Variants in SLC6A13 observed in about 807,000 individuals in gnomAD.
SLC6A13 encodes sodium- and chloride-dependent GABA transporter 2.
A neutral mutation model predicts 72.9 loss-of-function variants in SLC6A13; 69 were observed. That is an observed-to-expected ratio of 0.95 (90% CI 0.78 to 1.16). The LOEUF is 1.16. Ranked by LOEUF, SLC6A13 falls within the 50% of genes most tolerant of loss-of-function variation. The pLI is 0.00. For missense variants in SLC6A13, 735 were observed against 760.5 expected (o/e 0.97, Z 0.39); for synonymous variants, 303 against 303.0 (o/e 1.00, Z 0.00).
At chr12:248,797 A>T (rs1190929917) in intron 2 of SLC6A13, among the ~76,000 whole-genome samples, 1 of 152,228 alleles carries the variant, frequency 6.6e-6, no homozygotes. Context: ...GTTGACATTT[A>T]TTGAACATTC....
chr12:223,729 T>C, intron 11 of SLC6A13: 1 of 448,710 alleles, frequency 2.2e-6, no homozygotes, highest in Non-Finnish European at 4.1e-6. Context: ...CTTCTCCCAA[T>C]CCAATGCTCC....
At chr12:241,665 T>G (rs1269302225) in intron 4 of SLC6A13, among the ~76,000 whole-genome samples, 2 of 152,266 alleles carry the variant, frequency 1.3e-5, no homozygotes, top group Non-Finnish European at 2.9e-5. Context: ...GTAGCTGGTA[T>G]TAAGAACTAC....
At chr12:230,880 CT>C (rs1941681473) in intron 7 of SLC6A13, among the ~76,000 whole-genome samples, 2 of 152,326 alleles carry the variant, frequency 1.3e-5, no homozygotes, top group South Asian at 4.1e-4. Context: ...CTGTTTACTG[CT>C]GCTATTATTT....
chr12:261,882 C>A (rs1021765742), intron 1 of SLC6A13, among the ~76,000 whole-genome samples: 1 of 151,266 alleles, frequency 6.6e-6, no homozygotes, highest in African/African-American at 2.4e-5. Context: ...GCCGAGATCG[C>A]GCCACTGCAC....
At position 232,430 on chromosome 12, in the gene SLC6A13, G is replaced by A. The variant is rs141188585; in HGVS notation, c.831+2660C>T. On this transcript the variant is annotated intron_variant, in intron 7 of 14. Transcript: ENST00000343164. ...CAGCTTCCCCCTACAACTCCTGCTC[G>A]CCACCTACCATCCATCACAACCCTG... Among the ~76,000 whole-genome samples the A allele has an allele frequency of 6.7e-3, 1,017 of 152,210 alleles. 6 individuals are homozygous for A. Among genetic ancestry groups the A allele is most frequent in the Middle Eastern group, 0.027 (8 of 294 alleles).
At chr12:257,760 T>TC (rs963805251) in intron 2 of SLC6A13, among the ~76,000 whole-genome samples, 21 of 151,830 alleles carry the variant, frequency 1.4e-4, no homozygotes, top group African/African-American at 4.8e-4. Flanking sequence ...GAGTCCCTCA[T>TC]CCCCCACGTT....
chr12:223,102 A>G (rs781686062), intron 12 of SLC6A13, 30 bp downstream of exon 12: 3 of 1,348,524 alleles, frequency 2.2e-6, no homozygotes, highest in Admixed American at 3.4e-5. Flanking sequence ...CAAGAGGAGG[A>G]TGCTGGGACC....
At position 242,582 on chromosome 12, in the gene SLC6A13, G is replaced by A. The variant is rs1263977652; in HGVS notation, c.478+32C>T. The A allele has an allele frequency of 1.9e-6, 3 of 1,600,496 alleles. No homozygotes were observed. In the Admixed American group the frequency reaches 5.0e-5, roughly 27 times the overall value. On this transcript the variant is annotated intron_variant, in intron 4 of 14. Coordinates refer to ENST00000343164, the MANE Select transcript of SLC6A13 (RefSeq NM_016615.5). ...TTCCGGTTAATGTGGCAGAACGAGA[G>A]GAGGAAGTGGACCCTTGGGTGAGGA...
At chr12:235,956 G>A (rs7977022) in intron 6 of SLC6A13, among the ~76,000 whole-genome samples, 1,735 of 152,272 alleles carry the variant, frequency 0.011, 48 homozygotes, top group African/African-American at 0.04. Context: ...GTTTACTAGG[G>A]TGGGGAAAAA....
At chr12:257,252 C>T (rs1186248743) in intron 2 of SLC6A13, 1 of 152,070 alleles carries the variant, frequency 6.6e-6, no homozygotes, top group Non-Finnish European at 1.5e-5. Flanking sequence ...CCACACACAT[C>T]CTTGATCAGC....
At chr12:236,462 G>C (rs1405680636) in intron 6 of SLC6A13, among the ~76,000 whole-genome samples, 2 of 152,172 alleles carry the variant, frequency 1.3e-5, no homozygotes, top group African/African-American at 4.8e-5. Context: ...GGGTTCCCCG[G>C]ATATAGTTCC....
chr12:259,942 G>A lies in SLC6A13; in HGVS notation c.111C>T (p.Asn37=), dbSNP rs368185304. ...DGTLERGHWN[N]KMEFVLSVAG... Reference sequence around the variant, plus strand: ...CCACTGACAGCACAAACTCCATCTTGTTGTTCCAGTGCCCCCGCTCCAGGG... The same window carrying A: ...CCACTGACAGCACAAACTCCATCTTATTGTTCCAGTGCCCCCGCTCCAGGG... Residue 37 remains asparagine, a synonymous_variant, in exon 2 of 15, where the codon AAC becomes AAT. Transcript: ENST00000343164. 2 of 1,614,064 alleles carry A rather than the reference G, an allele frequency of 1.2e-6. No individual in the cohort carries two copies. The highest frequency in any genetic ancestry group is 1.7e-6 in the Non-Finnish European group (2 of 1,180,018).
At chr12:227,690 A>C (rs1440345045) in intron 7 of SLC6A13, 22 bp from the exon 8 acceptor site, 1 of 1,573,502 alleles carries the variant, frequency 6.4e-7, no homozygotes, top group African/African-American at 1.3e-5. Flanking sequence ...AAGGGCAAGA[A>C]AGGTGAACTC....
Position 222,539 on chromosome 12 carries a change from A to G in SLC6A13, c.1508T>C (p.Val503Ala), listed in dbSNP as rs1259830588. 1 of 1,597,356 alleles carries G rather than the reference A, an allele frequency of 6.3e-7. No individual in the cohort carries two copies. The highest frequency in any genetic ancestry group is 2.2e-5 in the East Asian group (1 of 44,760). The change falls in exon 13 of 15, where the codon GTG becomes GCG. Residue 503 changes from valine to alanine, a missense_variant. Val to Ala is a moderately conservative substitution (Grantham distance 64, BLOSUM62 0). Transcript: ENST00000343164. ...KYCWLFLTPA[V>A]CTATFLFSLI... is the part of the protein sequence containing the mutation. ...TCCCTGAAATGATCTTACTGTGCAC[A>G]CAGCTGGTGTGAGGAAGAGCCAACA...
chr12:226,613 C>T (rs1941467296), intron 8 of SLC6A13, 99 bp from the exon 9 acceptor site: 1 of 1,452,016 alleles, frequency 6.9e-7, no homozygotes, highest in East Asian at 2.5e-5. Flanking sequence ...TCCTGGCGGA[C>T]ACTGTCCTGG....
At position 239,893 on chromosome 12, in the gene SLC6A13, T is replaced by C. The variant is rs114241427; in HGVS notation, c.479-1883A>G. 2.5e-3 allele frequency among the ~76,000 whole-genome samples: 381 copies of C among 152,290 alleles called. 2 individuals carry two copies. Among genetic ancestry groups the C allele is most frequent in the African/African-American group, 8.8e-3 (364 of 41,562 alleles). On this transcript the variant is annotated intron_variant, in intron 4 of 14. Coordinates refer to ENST00000343164, the MANE Select transcript of SLC6A13 (RefSeq NM_016615.5). Reference sequence around the variant, plus strand: ...CTCGTGCTATTCAAATGCTAGGCTCTGAGTAAAACCAGGCTCACTAAGAGA... The same window carrying C: ...CTCGTGCTATTCAAATGCTAGGCTCCGAGTAAAACCAGGCTCACTAAGAGA...
intron 3 of SLC6A13, 64 bp downstream of exon 3, chr12:243,615 C>A: frequency 1.3e-6 from 2 of 1,525,370 alleles, no homozygotes; most frequent in South Asian, 1.2e-5. Flanking sequence ...TCACTCAAGT[C>A]ATTCCAAACA....
intron 2 of SLC6A13, 169 bp downstream of exon 2, chr12:259,682 C>A: frequency 6.7e-7 from 1 of 1,483,256 alleles, no homozygotes; most frequent in South Asian, 1.4e-5. Flanking sequence ...AGTCACGTAA[C>A]CTTTCTAGGT....
At chr12:246,970 T>C (rs1012877410) in intron 2 of SLC6A13, among the ~76,000 whole-genome samples, 3 of 140,800 alleles carry the variant, frequency 2.1e-5, no homozygotes, top group Non-Finnish European at 4.5e-5. Context: ...ATCATACCAC[T>C]GCACTCCAGC....
Sources: gnomAD v4.1 joint callset for allele counts (sites outside exome capture counted in the v4.1 genomes callset) on GRCh38, gnomAD v4.1.1 for gene constraint, MANE v1.5 for transcripts, NCBI Gene and HGNC (gene_info 2026-07-23, HGNC 2026-07-21) for gene names.